Variants in PCDHGA9 observed in about 807,000 individuals in gnomAD.
PCDHGA9 encodes the protein protocadherin gamma-A9.
A neutral mutation model predicts 62.5 loss-of-function variants in PCDHGA9; 37 were observed. The ratio of observed to expected loss-of-function variants is 0.59; its 90% CI spans 0.46 to 0.78. The LOEUF (loss-of-function observed/expected upper bound fraction) is 0.78, where lower values mean the gene tolerates loss of function less well. Among genes scored for constraint, PCDHGA9 ranks in the 30% least tolerant of loss-of-function variants. PCDHGA9 has a pLI of 0.00. For synonymous variants in PCDHGA9, 459 were observed against 484.6 expected, an observed-to-expected ratio of 0.95 and a Z score of 0.69; for missense variants, 1,138 against 1,166.2, an observed-to-expected ratio of 0.98 and a Z score of 0.35.
In PCDHGA9 at chr5:141,475,977, A is replaced by G. The variant is rs369460464; in HGVS notation, c.2425-18830A>G. The stretch of plus-strand genomic sequence containing the variant: ...CCCCGGGATGAGGCAGAGACTGAAC[A>G]GCCGGCGAGCAAATCAACGGCATCC... On this transcript the variant is annotated intron_variant, in intron 1 of 3. Transcript: ENST00000573521. The G allele has an allele frequency of 2.2e-5, 21 of 972,826 alleles. No individual in the cohort carries two copies. The South Asian group carries it at 2.8e-4, about 13-fold the overall frequency. 60.3% of individuals were successfully genotyped at this position (972,826 alleles called of 1,614,324 possible).
At chr5:141,504,980 G>A (rs113323355) in intron 2 of PCDHGA9, among the ~76,000 whole-genome samples, 174 of 152,196 alleles carry the variant, frequency 1.1e-3, no homozygotes, top group African/African-American at 3.9e-3. Context: ...TGGCCAACAT[G>A]GTGAAACCCC....
chr5:141,489,428 G>C lies in PCDHGA9; in HGVS notation c.2425-5379G>C, dbSNP rs561792279. The C allele has an allele frequency of 1.2e-6, 2 of 1,613,994 alleles. No individual in the cohort carries two copies. Among genetic ancestry groups the C allele is most frequent in the Non-Finnish European group, 1.7e-6 (2 of 1,180,038 alleles). On this transcript the variant is annotated intron_variant, in intron 1 of 3. Coordinates refer to ENST00000573521, the MANE Select transcript of PCDHGA9 (RefSeq NM_018921.3). This position sits in a 1 kb window ranked among gnomAD's most constrained non-coding sequence, Gnocchi z 4.5. The stretch of plus-strand genomic sequence containing the variant: ...AAGATGACAGATCTGTTGAGCCGGC[G>C]GCTGCAATTGGGCTCTGAGGAGAAT...
chr5:141,477,344 A>C lies in PCDHGA9; in HGVS notation c.2425-17463A>C. On this transcript the variant is annotated intron_variant, in intron 1 of 3. Coordinates refer to ENST00000573521, the MANE Select transcript of PCDHGA9 (RefSeq NM_018921.3). The surrounding 1 kb of genome is among the most constrained non-coding windows in gnomAD (Gnocchi z 4.9). Reference sequence around the variant, plus strand: ...TTCCCTCAAGAATTACTTCACTTTGAAAACCAGTGCAGACCTGGATCGGGA... The same window carrying C: ...TTCCCTCAAGAATTACTTCACTTTGCAAACCAGTGCAGACCTGGATCGGGA... 6.2e-7 allele frequency: 1 copy of C among 1,614,154 alleles called. No homozygotes were observed. The highest frequency in any genetic ancestry group is 8.5e-7 in the Non-Finnish European group (1 of 1,180,034).
At chr5:141,498,971 G>GGAAGGAA (rs2099787559) in intron 2 of PCDHGA9, among the ~76,000 whole-genome samples, 2 of 111,052 alleles carry the variant, frequency 1.8e-5, no homozygotes, top group African/African-American at 7.2e-5. Context: ...GAGGGAGGGA[G>GGAAGGAA]GGAAGGAAGG....
Position 141,431,135 on chromosome 5 carries a change from A to C in PCDHGA9, c.2424+25759A>C. ...TGGAGTAGAAGTAGAAGTAAGGGAC[A>C]TTAACGACAATGCGCCTTACTTTCG... On this transcript the variant is annotated intron_variant, in intron 1 of 3. Coordinates refer to ENST00000573521, the MANE Select transcript of PCDHGA9 (RefSeq NM_018921.3). The surrounding 1 kb of genome is among the most constrained non-coding windows in gnomAD (Gnocchi z 4.8). 1 of 1,614,266 alleles carries C rather than the reference A, an allele frequency of 6.2e-7. No homozygotes were observed. Among genetic ancestry groups the C allele is most frequent in the Non-Finnish European group, 8.5e-7 (1 of 1,180,042 alleles).
chr5:141,451,606 G>A (rs2098720118), intron 1 of PCDHGA9, among the ~76,000 whole-genome samples: 1 of 152,152 alleles, frequency 6.6e-6, no homozygotes, highest in Admixed American at 6.5e-5. Flanking sequence ...ACAAGGCTAG[G>A]CATGGTGGCT....
chr5:141,420,246 T>C (rs1216078492), intron 1 of PCDHGA9: 3 of 1,583,234 alleles, frequency 1.9e-6, no homozygotes, highest in African/African-American at 2.7e-5. Context: ...ACTCCCAGCG[T>C]TGAAGCAGAT....
chr5:141,479,057 T>A (rs2099487107), intron 1 of PCDHGA9, among the ~76,000 whole-genome samples: 1 of 152,234 alleles, frequency 6.6e-6, no homozygotes, highest in East Asian at 1.9e-4. Context: ...TCTCAGATAA[T>A]TTTTTATGAA....
At chr5:141,479,048 C>A (rs1253895615) in intron 1 of PCDHGA9, among the ~76,000 whole-genome samples, 1 of 152,150 alleles carries the variant, frequency 6.6e-6, no homozygotes, top group Admixed American at 6.5e-5. Flanking sequence ...GTACCTCATT[C>A]TCAGATAATT....
intron 1 of PCDHGA9, among the ~76,000 whole-genome samples, chr5:141,425,048 T>C (rs1590618422): frequency 6.6e-6 from 1 of 152,350 alleles, no homozygotes; most frequent in African/African-American, 2.4e-5. Flanking sequence ...AAACTGACTA[T>C]CTAGGGCTCG....
chr5:141,423,906 G>A (rs2096789586), intron 1 of PCDHGA9: 17 of 1,272,396 alleles, frequency 1.3e-5, no homozygotes, highest in Non-Finnish European at 1.7e-5. Context: ...ATTTCAAAGG[G>A]GCCATTCAAC....
intron 1 of PCDHGA9, chr5:141,420,079 C>T (rs1362049053): frequency 6.2e-7 from 1 of 1,613,998 alleles, no homozygotes; most frequent in Non-Finnish European, 8.5e-7. Flanking sequence ...CTGTGGGTCC[C>T]CCCAACTACA....
chr5:141,419,735 G>A (rs1013306543), intron 1 of PCDHGA9: 4 of 1,613,806 alleles, frequency 2.5e-6, no homozygotes, highest in Non-Finnish European at 3.4e-6. Flanking sequence ...AACAGGCGAG[G>A]TGCGCATGGT....
At chr5:141,408,353 G>A (rs1218585930) in intron 1 of PCDHGA9, 1 of 1,613,816 alleles carries the variant, frequency 6.2e-7, no homozygotes, top group Non-Finnish European at 8.5e-7. Flanking sequence ...GGGGAACCTC[G>A]CTAAGGATCT....
intron 2 of PCDHGA9, among the ~76,000 whole-genome samples, chr5:141,495,430 C>A (rs1189953474): frequency 6.6e-6 from 1 of 152,220 alleles, no homozygotes; most frequent in Non-Finnish European, 1.5e-5. Context: ...TCCCACTGTC[C>A]TCTGCCCCTA....
chr5:141,418,542 T>A (rs1260030087), intron 1 of PCDHGA9: 1 of 1,614,028 alleles, frequency 6.2e-7, no homozygotes, highest in South Asian at 1.1e-5. Context: ...ACTGCTCAGA[T>A]AAGAATCCTG....
intron 3 of PCDHGA9, among the ~76,000 whole-genome samples, chr5:141,507,772 A>C (rs2099863177): frequency 6.6e-6 from 1 of 152,332 alleles, no homozygotes; most frequent in South Asian, 2.1e-4. Flanking sequence ...TGGCCCACAC[A>C]GGGCCTGACC....
Position 141,493,404 on chromosome 5 carries a change from C to T in PCDHGA9, c.2425-1403C>T, listed in dbSNP as rs2099748048. Among the ~76,000 whole-genome samples, 1 of 152,148 alleles carries T rather than the reference C, an allele frequency of 6.6e-6. No individual in the cohort carries two copies. Among genetic ancestry groups the T allele is most frequent in the South Asian group, 2.1e-4 (1 of 4,826 alleles). ...CTTGAGGACAGGAGAGGGGAGTTGC[C>T]TCTGCTGGGATTTTGCTTCTGCTGG... On this transcript the variant is annotated intron_variant, in intron 1 of 3. Transcript: ENST00000573521. The surrounding 1 kb of genome is among the most constrained non-coding windows in gnomAD (Gnocchi z 4.3).
rs191916514 is a variant in PCDHGA9, at chr5:141,456,716, G to A, written c.2425-38091G>A. 3.9e-3 allele frequency among the ~76,000 whole-genome samples: 589 copies of A among 152,314 alleles called. 5 individuals carry two copies. Among genetic ancestry groups the A allele is most frequent in the Admixed American group, 0.011 (169 of 15,300 alleles). On this transcript the variant is annotated intron_variant, in intron 1 of 3. Transcript: ENST00000573521. ...GTGGTGGCTCGCGCCTGTAATCCCA[G>A]CACTTTGGGAGGCTGAGGCGGGAGC...
Sources: allele counts gnomAD v4.1 joint callset (sites outside exome capture counted in the v4.1 genomes callset), GRCh38; gene constraint gnomAD v4.1.1; non-coding constraint Gnocchi (gnomAD v3.1); transcripts MANE v1.5; gene names NCBI Gene and HGNC (gene_info 2026-07-23, HGNC 2026-07-21).